The following RIMS1 variants were observed in gnomAD, a reference collection of about 807,000 sequenced individuals.
RIMS1 encodes regulating synaptic membrane exocytosis protein 1.
RIMS1 carries 83 observed loss-of-function variants against 214.1 expected under a neutral mutation model. The observed-to-expected ratio is 0.39, with a 90% CI of 0.32 to 0.47. The LOEUF (loss-of-function observed/expected upper bound fraction) is 0.47, where lower values mean the gene tolerates loss of function less well. Among genes scored for constraint, RIMS1 ranks in the 20% least tolerant of loss-of-function variants. RIMS1 has a pLI of 0.99. For synonymous variants in RIMS1, 793 were observed against 786.8 expected, an observed-to-expected ratio of 1.01 and a Z score of -0.13; for missense variants, 2,050 against 2,161.8, an observed-to-expected ratio of 0.95 and a Z score of 1.03.
In RIMS1 at chr6:71,886,847, G is replaced by A; in HGVS notation, c.-177G>A. ...TGGATGCAAACAACCATGAAAGACT[G>A]GGTTCTCGCTCTCCCCGGCTCTGCT... is the stretch of plus-strand genomic sequence containing the variant. On this transcript the variant is annotated 5_prime_UTR_variant, in exon 1 of 34. An upstream open reading frame in the 5' UTR gains an earlier in-frame stop. Transcript: ENST00000521978. 1.5e-6 allele frequency: 1 copy of A among 661,292 alleles called. No homozygotes were observed. The highest frequency in any genetic ancestry group is 2.6e-6 in the Non-Finnish European group (1 of 386,076). 41.0% of individuals were successfully genotyped at this position (661,292 alleles called of 1,614,324 possible).
At chr6:72,378,302 T>C (rs916534537) in intron 29 of RIMS1, among the ~76,000 whole-genome samples, 3 of 152,252 alleles carry the variant, frequency 2.0e-5, no homozygotes, top group Non-Finnish European at 4.4e-5. Context: ...GCTTCTATTC[T>C]AAATCAAACC....
chr6:72,043,616 T>G (rs1420235299), intron 2 of RIMS1, among the ~76,000 whole-genome samples: 1 of 144,242 alleles, frequency 6.9e-6, no homozygotes, highest in East Asian at 1.9e-4. Flanking sequence ...GAACATTAAT[T>G]TCACAGTAAA....
chr6:72,273,348 T>G (rs938987030), intron 22 of RIMS1, among the ~76,000 whole-genome samples: 1 of 152,156 alleles, frequency 6.6e-6, no homozygotes, highest in Non-Finnish European at 1.5e-5. Context: ...CCTTTAAGAC[T>G]ATCCAGTTAT....
At chr6:72,193,225 C>T (rs1055969673) in intron 6 of RIMS1, among the ~76,000 whole-genome samples, 4 of 152,164 alleles carry the variant, frequency 2.6e-5, no homozygotes, top group Admixed American at 2.6e-4. Context: ...TGTTTCCCCT[C>T]CTTGGGAATT....
chr6:71,901,108 G>C (rs1485834008), intron 1 of RIMS1, among the ~76,000 whole-genome samples: 1 of 152,028 alleles, frequency 6.6e-6, no homozygotes, highest in Non-Finnish European at 1.5e-5. Flanking sequence ...AAACAAGGAA[G>C]ACTGGAATCA....
intron 1 of RIMS1, among the ~76,000 whole-genome samples, chr6:71,952,546 G>A (rs1561956070): frequency 6.6e-6 from 1 of 152,214 alleles, no homozygotes; most frequent in Non-Finnish European, 1.5e-5. Context: ...ATGGAGGAAG[G>A]TGGTGTCCCC....
intron 4 of RIMS1, among the ~76,000 whole-genome samples, chr6:72,176,911 A>C (rs1215711414): frequency 6.6e-6 from 1 of 152,206 alleles, no homozygotes; most frequent in Non-Finnish European, 1.5e-5. Context: ...TGTTTCTTTT[A>C]ATTGATCTGG....
At chr6:72,301,866 G>A (rs1168379209) in intron 26 of RIMS1, among the ~76,000 whole-genome samples, 1 of 151,486 alleles carries the variant, frequency 6.6e-6, no homozygotes, top group Non-Finnish European at 1.5e-5. Flanking sequence ...AAAATAACAT[G>A]ATAGAAAATA....
At chr6:72,071,933 A>G (rs1357133279) in intron 2 of RIMS1, among the ~76,000 whole-genome samples, 3 of 152,230 alleles carry the variant, frequency 2.0e-5, no homozygotes, top group Non-Finnish European at 4.4e-5. Context: ...GATTAATGTC[A>G]TGTGGAAAAA....
intron 2 of RIMS1, among the ~76,000 whole-genome samples, chr6:72,019,684 A>C (rs1813964657): frequency 6.6e-6 from 1 of 152,174 alleles, no homozygotes; most frequent in Non-Finnish European, 1.5e-5. Flanking sequence ...CTAGGAAATT[A>C]TTTAAATATA....
chr6:72,108,784 T>A (rs1002753044), intron 4 of RIMS1, among the ~76,000 whole-genome samples: 6 of 151,700 alleles, frequency 4.0e-5, no homozygotes, highest in African/African-American at 1.4e-4. Context: ...TGTGCCATGC[T>A]GGTGTGCTGC....
At chr6:72,229,382 CAT>C (rs1362713338) in intron 6 of RIMS1, among the ~76,000 whole-genome samples, 1 of 151,942 alleles carries the variant, frequency 6.6e-6, no homozygotes, top group African/African-American at 2.4e-5. Context: ...CAACAGTACA[CAT>C]AGATTTATTT....
chr6:72,053,279 T>C (rs1054102151), intron 2 of RIMS1, among the ~76,000 whole-genome samples: 2 of 152,202 alleles, frequency 1.3e-5, no homozygotes, highest in African/African-American at 4.8e-5. Flanking sequence ...GTTTACACCA[T>C]AGTCTCCTTC....
intron 1 of RIMS1, among the ~76,000 whole-genome samples, chr6:71,953,163 A>G (rs1219847400): frequency 6.6e-6 from 1 of 151,718 alleles, no homozygotes; most frequent in Non-Finnish European, 1.5e-5. Flanking sequence ...AATGTTTTAT[A>G]TTTTTAGTAG....
At chr6:72,189,471 T>C (rs1943186788) in intron 6 of RIMS1, among the ~76,000 whole-genome samples, 1 of 152,212 alleles carries the variant, frequency 6.6e-6, no homozygotes, top group Non-Finnish European at 1.5e-5. Context: ...ATGGTAGTCT[T>C]GGCAGCAGCA....
Position 72,183,159 on chromosome 6 carries a change from C to T in RIMS1, c.1678+10C>T, listed in dbSNP as rs776366319. On this transcript the variant is annotated intron_variant, in intron 6 of 33. Transcript: ENST00000521978. The stretch of plus-strand genomic sequence containing the variant: ...AGCGTCAGCGAGAAAGGTAAGGGGG[C>T]GGCGCCGGCCGTGCGGGGACTTCAG... The T allele has an allele frequency of 3.2e-6, 5 of 1,585,610 alleles. No homozygotes were observed. The South Asian group carries it at 4.6e-5, about 15-fold the overall frequency.
chr6:72,262,971 A>G lies in RIMS1; in HGVS notation c.3117-2004A>G, dbSNP rs771502842. 25 of 512,868 alleles carry G rather than the reference A, an allele frequency of 4.9e-5. No homozygotes were observed. The Admixed American group carries it at 9.6e-4, about 20-fold the overall frequency. The allele number at this position is 512,868 out of a possible 1,614,324, so 31.8% of individuals were successfully genotyped here. ...ATAATTATATGTTATGAATATTATT[A>G]TCCTGATTTTAGAGATGAGGAAAAA... On this transcript the variant is annotated intron_variant, in intron 19 of 33. Coordinates refer to ENST00000521978, the MANE Select transcript of RIMS1 (RefSeq NM_014989.7).
At chr6:72,216,620 T>C (rs1181336941) in intron 6 of RIMS1, 1 of 985,494 alleles carries the variant, frequency 1.0e-6, no homozygotes, top group Non-Finnish European at 1.2e-6. Context: ...TGATTGATAA[T>C]GGGACCAAAT....
intron 4 of RIMS1, among the ~76,000 whole-genome samples, chr6:72,125,648 C>T (rs895697349): frequency 6.6e-6 from 1 of 152,204 alleles, no homozygotes; most frequent in East Asian, 1.9e-4. Flanking sequence ...CCACCCAGTT[C>T]GAGCTTCCTG....
Sources: allele counts gnomAD v4.1 joint callset (sites outside exome capture counted in the v4.1 genomes callset), GRCh38; gene constraint gnomAD v4.1.1; transcripts MANE v1.5; gene names NCBI Gene and HGNC (gene_info 2026-07-23, HGNC 2026-07-21).